The following PPM1H variants were observed in gnomAD, a reference collection of about 807,000 sequenced individuals.
PPM1H encodes protein phosphatase, Mg2+/Mn2+ dependent 1H.
PPM1H carries 27 observed loss-of-function variants against 54.9 expected under a neutral mutation model. The ratio of observed to expected loss-of-function variants is 0.49; its 90% CI spans 0.36 to 0.68. The LOEUF (loss-of-function observed/expected upper bound fraction) is 0.68, where lower values mean the gene tolerates loss of function less well. Among genes scored for constraint, PPM1H ranks in the 30% least tolerant of loss-of-function variants. The pLI, the probability that PPM1H is intolerant of heterozygous loss-of-function variation, is 0.00. For missense variants in PPM1H, 596 were observed against 667.8 expected (o/e 0.89, Z 1.19); for synonymous variants, 305 against 270.8 (o/e 1.13, Z -1.24).
chr12:62,798,134 A>T (rs1455944476), intron 3 of PPM1H, among the ~76,000 whole-genome samples: 1 of 152,238 alleles, frequency 6.6e-6, no homozygotes, highest in East Asian at 1.9e-4. Flanking sequence ...AAAAAAACAC[A>T]GATCACAGAG....
At chr12:62,676,026 T>C (rs1330881112) in intron 8 of PPM1H, among the ~76,000 whole-genome samples, 1 of 152,082 alleles carries the variant, frequency 6.6e-6, no homozygotes, top group Non-Finnish European at 1.5e-5. Context: ...CCACATGCAT[T>C]GTGGGTCTGG....
At chr12:62,807,249 C>T (rs1020781332) in intron 2 of PPM1H, among the ~76,000 whole-genome samples, 3 of 152,144 alleles carry the variant, frequency 2.0e-5, no homozygotes, top group African/African-American at 7.2e-5. Context: ...AAACCATTGA[C>T]TGAAGTAAGA....
rs564488228 is a variant in PPM1H, at chr12:62,756,024, C to T, written c.870-18438G>A. On this transcript the variant is annotated intron_variant, in intron 4 of 9. Transcript: ENST00000228705. The stretch of plus-strand genomic sequence containing the variant: ...TCAAGAAGGTGGTGAAGCAGGCGTC[C>T]GAGACCCCCTCAAGGGCATCCTGGG... The T allele has an allele frequency of 7.0e-4, 985 of 1,413,238 alleles. 10 individuals carry two copies. The South Asian group carries it at 0.01, about 15-fold the overall frequency. The allele number at this position is 1,413,238 out of a possible 1,614,324, so 87.5% of individuals were successfully genotyped here.
intron 1 of PPM1H, among the ~76,000 whole-genome samples, chr12:62,858,216 C>G (rs117720185): frequency 1.3e-5 from 2 of 151,932 alleles, no homozygotes; most frequent in African/African-American, 4.8e-5. Flanking sequence ...TATCTTTCTA[C>G]CCTATTAAAT....
At chr12:62,663,979 C>G (rs572467863) in intron 9 of PPM1H, among the ~76,000 whole-genome samples, 1 of 131,620 alleles carries the variant, frequency 7.6e-6, no homozygotes, top group African/African-American at 2.9e-5. Context: ...GCAACAAGAG[C>G]GAAACTCCAT....
At chr12:62,693,738 G>A (rs185897616) in intron 7 of PPM1H, among the ~76,000 whole-genome samples, 198 bp downstream of exon 7, 3 of 152,254 alleles carry the variant, frequency 2.0e-5, no homozygotes, top group Non-Finnish European at 2.9e-5. Flanking sequence ...TGTGCTCACC[G>A]CCCACCTCCC....
intron 4 of PPM1H, among the ~76,000 whole-genome samples, chr12:62,746,122 A>C (rs2076409005): frequency 6.6e-6 from 1 of 152,122 alleles, no homozygotes. Flanking sequence ...TTGAGCCCAG[A>C]AAGTCAAGGC....
intron 1 of PPM1H, among the ~76,000 whole-genome samples, chr12:62,852,495 A>G (rs1869232875): frequency 6.6e-6 from 1 of 152,210 alleles, no homozygotes; most frequent in Non-Finnish European, 1.5e-5. Flanking sequence ...TGTACCACTC[A>G]GTCTGCGATA....
chr12:62,881,866 C>T (rs1294261525), intron 1 of PPM1H, among the ~76,000 whole-genome samples: 4 of 152,146 alleles, frequency 2.6e-5, no homozygotes, highest in Admixed American at 1.3e-4. Flanking sequence ...CTCTGGTTTC[C>T]CTCTTCACCA....
chr12:62,859,551 A>G (rs1378381265), intron 1 of PPM1H, among the ~76,000 whole-genome samples: 1 of 152,228 alleles, frequency 6.6e-6, no homozygotes, highest in Non-Finnish European at 1.5e-5. Context: ...TAAGCTCTGA[A>G]TAGTGATTCA....
intron 6 of PPM1H, among the ~76,000 whole-genome samples, chr12:62,716,087 C>T (rs1167594595): frequency 1.3e-5 from 2 of 152,220 alleles, no homozygotes; most frequent in Non-Finnish European, 2.9e-5. Flanking sequence ...CTTATTCTGA[C>T]ACATTTGCAT....
chr12:62,662,409 A>G (rs1471903219), intron 9 of PPM1H, among the ~76,000 whole-genome samples: 1 of 152,250 alleles, frequency 6.6e-6, no homozygotes, highest in African/African-American at 2.4e-5. Context: ...TCCACACCTG[A>G]GCTGAATTAT....
intron 3 of PPM1H, among the ~76,000 whole-genome samples, chr12:62,798,278 G>A (rs1308465342): frequency 6.6e-6 from 1 of 152,228 alleles, no homozygotes; most frequent in Non-Finnish European, 1.5e-5. Context: ...GCAGGTAGGG[G>A]ATAGTCTGGG....
At chr12:62,837,512 T>A (rs926626239) in intron 1 of PPM1H, among the ~76,000 whole-genome samples, 11 of 152,206 alleles carry the variant, frequency 7.2e-5, no homozygotes, top group Non-Finnish European at 1.5e-5. Flanking sequence ...CTCCCCACCA[T>A]GAGGCATTCA....
At chr12:62,671,999 A>G (rs149123229) in intron 8 of PPM1H, among the ~76,000 whole-genome samples, 121 of 152,318 alleles carry the variant, frequency 7.9e-4, no homozygotes, top group African/African-American at 2.7e-3. Context: ...CCCTGTCCTG[A>G]CACTAGACTG....
At chr12:62,715,235 A>C (rs2076228527) in intron 6 of PPM1H, among the ~76,000 whole-genome samples, 1 of 152,228 alleles carries the variant, frequency 6.6e-6, no homozygotes, top group Admixed American at 6.5e-5. Context: ...TGCATCCTGC[A>C]ACAGCAGCTC....
At chr12:62,860,397 A>C (rs2120967981) in intron 1 of PPM1H, among the ~76,000 whole-genome samples, 1 of 152,336 alleles carries the variant, frequency 6.6e-6, no homozygotes, top group East Asian at 1.9e-4. Flanking sequence ...GAAAAGAATC[A>C]ACAATCAAAA....
intron 1 of PPM1H, among the ~76,000 whole-genome samples, chr12:62,909,090 C>A (rs1371459356): frequency 6.6e-6 from 1 of 151,926 alleles, no homozygotes; most frequent in Non-Finnish European, 1.5e-5. Context: ...GGCTGAAAAT[C>A]CGGAATTATC....
At chr12:62,709,970 C>T (rs576831326) in intron 6 of PPM1H, among the ~76,000 whole-genome samples, 63 of 151,648 alleles carry the variant, frequency 4.2e-4, no homozygotes, top group African/African-American at 1.5e-3. Flanking sequence ...CTCGGGAGGC[C>T]GAGGCAGGAG....
Sources: allele counts gnomAD v4.1 joint callset (sites outside exome capture counted in the v4.1 genomes callset), GRCh38; gene constraint gnomAD v4.1.1; transcripts MANE v1.5; gene names NCBI Gene and HGNC (gene_info 2026-07-23, HGNC 2026-07-21).